Variants in NUP210 observed in about 807,000 individuals in gnomAD.
The protein encoded by NUP210 is nuclear pore membrane glycoprotein 210.
In NUP210, 151 loss-of-function variants were observed where a neutral mutation model predicts 196.0. The ratio of observed to expected loss-of-function variants is 0.77; its 90% CI spans 0.67 to 0.88. NUP210 has a LOEUF of 0.88. NUP210 is among the 40% of genes least tolerant of loss of function. The probability of loss-of-function intolerance (pLI) is 0.00; values close to 1 mark genes in which losing one functional copy is unlikely to be tolerated. For missense variants in NUP210, 2,314 were observed against 2,493.7 expected (o/e 0.93, Z 1.53); for synonymous variants, 1,070 against 1,052.7 (o/e 1.02, Z -0.32).
In NUP210 at chr3:13,374,193, C is replaced by T. The variant is rs919552051; in HGVS notation, c.1432-320G>A. Among the ~76,000 whole-genome samples, 5 of 152,252 alleles carry T rather than the reference C, an allele frequency of 3.3e-5. No individual in the cohort carries two copies. The East Asian group carries it at 7.7e-4, about 24-fold the overall frequency. Reference sequence around the variant, plus strand: ...TCACCACTCACACCCACAGTGCACACTCATACACCTACTCATTCGTACACA... The same window carrying T: ...TCACCACTCACACCCACAGTGCACATTCATACACCTACTCATTCGTACACA... On this transcript the variant is annotated intron_variant, in intron 11 of 39. Transcript: ENST00000254508.
At chr3:13,404,105 T>C (rs2124952981) in intron 1 of NUP210, among the ~76,000 whole-genome samples, 1 of 152,346 alleles carries the variant, frequency 6.6e-6, no homozygotes, top group African/African-American at 2.4e-5. Context: ...GTTATCTGAC[T>C]TCCTTCCCGG....
In NUP210 at chr3:13,371,825, C is replaced by A. The variant is rs780854029; in HGVS notation, c.1786+9G>T. 45 of 1,600,802 alleles carry A rather than the reference C, an allele frequency of 2.8e-5. No homozygotes were observed. In the South Asian group the frequency reaches 5.0e-4, roughly 18 times the overall value. ...AGTATCTGGCACCTGCTCAGCAGCGCTGGTTTACCTGGGAGTGGCTGGAAC... is the reference window on the plus strand; with the variant it reads ...AGTATCTGGCACCTGCTCAGCAGCGATGGTTTACCTGGGAGTGGCTGGAAC... On this transcript the variant is annotated intron_variant, in intron 13 of 39. Transcript: ENST00000254508.
Position 13,358,346 on chromosome 3 carries a change from G to A in NUP210, c.2204C>T (p.Pro735Leu). ...CTTCACCACGGCAGGCTCCACCGCA[G>A]GAAAGGGGTTGGTGAGGCTGGGCTT... ...GNKPSLTNPF[P>L]AVEPAVVKFV... The change falls in exon 16 of 40, where the codon CCT (proline) becomes CTT (leucine). Residue 735 changes from proline to leucine, a missense_variant. Pro to Leu is a moderately conservative substitution (Grantham distance 98, BLOSUM62 -3). Transcript: ENST00000254508. The A allele has an allele frequency of 6.2e-7, 1 of 1,613,902 alleles. No homozygotes were observed. Among genetic ancestry groups the A allele is most frequent in the Non-Finnish European group, 8.5e-7 (1 of 1,179,912 alleles).
chr3:13,410,168 G>A (rs1700121178), intron 1 of NUP210, among the ~76,000 whole-genome samples: 1 of 150,020 alleles, frequency 6.7e-6, no homozygotes, highest in Non-Finnish European at 1.5e-5. Flanking sequence ...AGCTATTACT[G>A]ATTTTTTTTT....
intron 1 of NUP210, among the ~76,000 whole-genome samples, chr3:13,416,962 G>A (rs1381725402): frequency 6.6e-6 from 1 of 152,206 alleles, no homozygotes; most frequent in Non-Finnish European, 1.5e-5. Context: ...TTTTTGATAT[G>A]AGGTCGTTTT....
intron 21 of NUP210, 67 bp from the exon 22 acceptor site, chr3:13,342,190 C>G: frequency 6.3e-7 from 1 of 1,584,232 alleles, no homozygotes; most frequent in East Asian, 2.2e-5. Context: ...TATGGTGCTC[C>G]GTGACTTTCT....
Position 13,337,930 on chromosome 3 carries a change from G to T in NUP210, c.3472-13C>A, listed in dbSNP as rs756109248. 6.2e-7 allele frequency: 1 copy of T among 1,611,336 alleles called. No individual in the cohort carries two copies. Among genetic ancestry groups the T allele is most frequent in the Non-Finnish European group, 8.5e-7 (1 of 1,179,224 alleles). ...CCTGCACGAGGTCCTGGGGAAACAG[G>T]GTGGCACTTAGGTGTGGGGATGCAG... is the stretch of plus-strand genomic sequence containing the variant. On this transcript the variant is annotated splice_polypyrimidine_tract_variant and intron_variant, in intron 25 of 39. Coordinates refer to ENST00000254508, the MANE Select transcript of NUP210 (RefSeq NM_024923.4).
intron 4 of NUP210, among the ~76,000 whole-genome samples, chr3:13,388,776 G>C (rs996644289): frequency 6.6e-6 from 1 of 152,266 alleles, no homozygotes; most frequent in African/African-American, 2.4e-5. Flanking sequence ...GTCCACATGG[G>C]AACAGTGAGG....
intron 1 of NUP210, among the ~76,000 whole-genome samples, chr3:13,418,962 AAAAAAAAAAAAG>A (rs1324936647): frequency 3.7e-5 from 5 of 134,924 alleles, no homozygotes; most frequent in South Asian, 4.6e-4. Context: ...AAAAAAAAAA[AAAAAAAAAAAAG>A]AAAGAAAGAA....
rs200755305 is a variant in NUP210 at position 13,355,226 on chromosome 3, A to G, written c.2329-1119T>C. On this transcript the variant is annotated intron_variant, in intron 16 of 39. Coordinates refer to ENST00000254508, the MANE Select transcript of NUP210 (RefSeq NM_024923.4). ...CATTCACAAACAGGGCTAGTTTTCC[A>G]TTCGGGGAGAGGGGGATCCTGCAGG... Among the ~76,000 whole-genome samples, 22 of 152,300 alleles carry G rather than the reference A, an allele frequency of 1.4e-4. No individual in the cohort carries two copies. The East Asian group carries it at 3.1e-3, about 21-fold the overall frequency.
rs6774383 is a variant in NUP210 at position 13,373,429 on chromosome 3, T to C, written c.1587+289A>G. 0.1 allele frequency among the ~76,000 whole-genome samples: 15,694 copies of C among 152,230 alleles called. 1,717 individuals carry two copies. Among genetic ancestry groups the C allele is most frequent in the African/African-American group, 0.28 (11,718 of 41,500 alleles). On this transcript the variant is annotated intron_variant, in intron 12 of 39. Coordinates refer to ENST00000254508, the MANE Select transcript of NUP210 (RefSeq NM_024923.4). ...TGGACCTTCCAAATGGAGATTACTA[T>C]CTTTCAGGTCTGGGGAATTTTCTAG...
intron 14 of NUP210, among the ~76,000 whole-genome samples, chr3:13,362,581 C>A (rs913685682): frequency 2.6e-5 from 4 of 152,346 alleles, no homozygotes; most frequent in Non-Finnish European, 5.9e-5. Context: ...AATGAGAATT[C>A]TGTCCTTTTG....
At position 13,325,790 on chromosome 3, in the gene NUP210, C is replaced by T; in HGVS notation, c.4644+5G>A. The T allele has an allele frequency of 3.7e-6, 6 of 1,613,462 alleles. No homozygotes were observed. Among genetic ancestry groups the T allele is most frequent in the Non-Finnish European group, 5.1e-6 (6 of 1,179,870 alleles). On this transcript the variant is annotated splice_donor_5th_base_variant and intron_variant, in intron 33 of 39. Coordinates refer to ENST00000254508, the MANE Select transcript of NUP210 (RefSeq NM_024923.4). ...CACATGTGCCTCCGGCTGCTTAGAGCCCACCTCCTTGTAGGTCCTCAGGTG... is the reference window on the plus strand; with the variant it reads ...CACATGTGCCTCCGGCTGCTTAGAGTCCACCTCCTTGTAGGTCCTCAGGTG...
intron 6 of NUP210, among the ~76,000 whole-genome samples, chr3:13,383,195 GT>G (rs1486783652): frequency 1.3e-5 from 2 of 152,170 alleles, no homozygotes; most frequent in Non-Finnish European, 2.9e-5. Context: ...TTCCATTGGT[GT>G]GTCTTGTTCA....
intron 1 of NUP210, among the ~76,000 whole-genome samples, chr3:13,409,882 G>A (rs1419947879): frequency 6.6e-6 from 1 of 151,742 alleles, no homozygotes; most frequent in Non-Finnish European, 1.5e-5. Flanking sequence ...TGTCACCCAG[G>A]CTGGAGTGCA....
intron 2 of NUP210, 72 bp from the exon 3 acceptor site, chr3:13,397,560 G>A: frequency 1.4e-6 from 2 of 1,465,146 alleles, no homozygotes; most frequent in Non-Finnish European, 1.8e-6. Flanking sequence ...AAGCCTTGCA[G>A]GCTTACACTC....
In NUP210 at chr3:13,323,285, C is replaced by T; in HGVS notation, c.4768+24G>A. On this transcript the variant is annotated intron_variant, in intron 34 of 39. Transcript: ENST00000254508. This position sits in a 1 kb window ranked among gnomAD's most constrained non-coding sequence, Gnocchi z 4.3. ...TCCCCGCTCCCAGGTACTCTGAAGA[C>T]AGCCCAAGCCCCTCATTAAGTACCT... is the stretch of plus-strand genomic sequence containing the variant. 2 of 1,613,720 alleles carry T rather than the reference C, an allele frequency of 1.2e-6. No individual in the cohort carries two copies. The highest frequency in any genetic ancestry group is 1.1e-5 in the South Asian group (1 of 91,044).
intron 1 of NUP210, among the ~76,000 whole-genome samples, chr3:13,416,932 T>C (rs1700367862): frequency 6.6e-6 from 1 of 152,264 alleles, no homozygotes; most frequent in Non-Finnish European, 1.5e-5. Flanking sequence ...GCATGATTTC[T>C]TTTTCGTCTG....
chr3:13,319,623 G>T, intron 37 of NUP210, 140 bp downstream of exon 37: 1 of 750,010 alleles, frequency 1.3e-6, no homozygotes, highest in Non-Finnish European at 2.3e-6. Flanking sequence ...GCCCCAATGA[G>T]CAGCGATCAC....
Sources: gnomAD v4.1 joint callset for allele counts (sites outside exome capture counted in the v4.1 genomes callset) on GRCh38, gnomAD v4.1.1 for gene constraint, Gnocchi (gnomAD v3.1) non-coding constraint, MANE v1.5 for transcripts, NCBI Gene and HGNC (gene_info 2026-07-23, HGNC 2026-07-21) for gene names.